CACNA2D4: variants seen among roughly 807,000 people sequenced by gnomAD.
The protein encoded by CACNA2D4 is calcium voltage-gated channel auxiliary subunit alpha2delta 4.
CACNA2D4 carries 157 observed loss-of-function variants against 163.8 expected under a neutral mutation model. The ratio of observed to expected loss-of-function variants is 0.96; its 90% CI spans 0.84 to 1.09. The LOEUF is 1.09. Among genes scored for constraint, CACNA2D4 ranks in the 50% least tolerant of loss-of-function variants. CACNA2D4 has a pLI of 0.00. For synonymous variants in CACNA2D4, 598 were observed against 586.9 expected (o/e 1.02, Z -0.27); for missense variants, 1,410 against 1,479.9 (o/e 0.95, Z 0.78).
intron 6 of CACNA2D4, among the ~76,000 whole-genome samples, chr12:1,904,967 A>G (rs1866621406): frequency 6.6e-6 from 1 of 152,090 alleles, no homozygotes; most frequent in South Asian, 2.1e-4. Context: ...GCATGGATAA[A>G]ACATAAAACT....
In CACNA2D4 at chr12:1,874,052, CAGT is replaced by C. The variant is rs1865835899; in HGVS notation, c.1878+549_1878+551del. On this transcript the variant is annotated intron_variant, in intron 18 of 37. Transcript: ENST00000382722. The surrounding 1 kb of genome is among the most constrained non-coding windows in gnomAD (Gnocchi z 4.4). ...AATATGTCAAGGGACAATGCAGAATCAGTAGACACATTGGAACCTTTTAAGTGA... is the reference window on the plus strand; with the variant it reads ...AATATGTCAAGGGACAATGCAGAATCAGACACATTGGAACCTTTTAAGTGA... 6.6e-6 allele frequency among the ~76,000 whole-genome samples: 1 copy of C among 152,164 alleles called. No homozygotes were observed. Among genetic ancestry groups the C allele is most frequent in the African/African-American group, 2.4e-5 (1 of 41,454 alleles).
chr12:1,811,784 G>T (rs570973566), intron 26 of CACNA2D4, 61 bp from the exon 27 acceptor site: 1 of 1,504,784 alleles, frequency 6.6e-7, no homozygotes, highest in Non-Finnish European at 9.1e-7. Flanking sequence ...AAAAAATAGA[G>T]TCAAGTTAAA....
chr12:1,855,662 G>A (rs1865383319), intron 22 of CACNA2D4, among the ~76,000 whole-genome samples: 1 of 152,202 alleles, frequency 6.6e-6, no homozygotes, highest in African/African-American at 2.4e-5. Flanking sequence ...TTTGCCCAGA[G>A]GTCCACTTCT....
In CACNA2D4 at chr12:1,829,213, C is replaced by T. The variant is rs1442973702; in HGVS notation, c.2551+11526G>A. ...CTTCCGCAGCGGCTCTCTTAGCCTG[C>T]TGTCAGGCCCTTCTCTGGGAGGGGC... is the stretch of plus-strand genomic sequence containing the variant. On this transcript the variant is annotated intron_variant, in intron 26 of 37. Coordinates refer to ENST00000382722, the MANE Select transcript of CACNA2D4 (RefSeq NM_172364.5). This position sits in a 1 kb window ranked among gnomAD's most constrained non-coding sequence, Gnocchi z 4.2. 6.6e-6 allele frequency among the ~76,000 whole-genome samples: 1 copy of T among 152,220 alleles called. No homozygotes were observed. Among genetic ancestry groups the T allele is most frequent in the South Asian group, 2.1e-4 (1 of 4,830 alleles).
At chr12:1,881,975 A>G (rs1215139353) in intron 13 of CACNA2D4, among the ~76,000 whole-genome samples, 1 of 152,248 alleles carries the variant, frequency 6.6e-6, no homozygotes, top group Non-Finnish European at 1.5e-5. Flanking sequence ...TTGTCAGCAC[A>G]GGGACTGAGT....
At chr12:1,805,816 C>A (rs1004590553) in intron 29 of CACNA2D4, among the ~76,000 whole-genome samples, 3 of 152,252 alleles carry the variant, frequency 2.0e-5, no homozygotes, top group African/African-American at 7.2e-5. Flanking sequence ...CCAAGGCAGG[C>A]TGCCCAGAGT....
At chr12:1,842,762 G>A (rs889996304) in intron 25 of CACNA2D4, among the ~76,000 whole-genome samples, 1 of 152,192 alleles carries the variant, frequency 6.6e-6, no homozygotes, top group African/African-American at 2.4e-5. Flanking sequence ...GCCTGTGGGT[G>A]CCCTCCCTGG....
At chr12:1,815,717 C>T (rs1863853396) in intron 26 of CACNA2D4, among the ~76,000 whole-genome samples, 1 of 152,200 alleles carries the variant, frequency 6.6e-6, no homozygotes, top group Non-Finnish European at 1.5e-5. Context: ...TGTCCCTTCC[C>T]TCCCAGCTTC....
chr12:1,823,024 G>A (rs981340183), intron 26 of CACNA2D4, among the ~76,000 whole-genome samples: 23 of 152,168 alleles, frequency 1.5e-4, no homozygotes, highest in African/African-American at 3.1e-4. Flanking sequence ...TGAAGGGGGC[G>A]GCAGAGTAGG....
At chr12:1,860,467 C>T (rs10774001) in intron 18 of CACNA2D4, among the ~76,000 whole-genome samples, 129,649 of 152,308 alleles carry the variant, frequency 0.85, 55,355 homozygotes, top group South Asian at 0.91. Flanking sequence ...ATCACGATAG[C>T]CCCTAAGCAG....
chr12:1,799,649 G>C lies in CACNA2D4; in HGVS notation c.2995+26C>G, dbSNP rs1282265625. On this transcript the variant is annotated intron_variant, in intron 34 of 37. Transcript: ENST00000382722. The surrounding 1 kb of genome is among the most constrained non-coding windows in gnomAD (Gnocchi z 4.7). ...CTGCGTCCCCAACCCACCGCCAGCAGGGATGGCCTCAGCTGGGCTACTTAC... is the reference window on the plus strand; with the variant it reads ...CTGCGTCCCCAACCCACCGCCAGCACGGATGGCCTCAGCTGGGCTACTTAC... 1 of 1,562,604 alleles carries C rather than the reference G, an allele frequency of 6.4e-7. No individual in the cohort carries two copies. The highest frequency in any genetic ancestry group is 1.9e-5 in the Admixed American group (1 of 52,418).
intron 26 of CACNA2D4, among the ~76,000 whole-genome samples, chr12:1,816,292 A>C (rs1293732141): frequency 6.6e-6 from 1 of 152,150 alleles, no homozygotes; most frequent in Admixed American, 6.5e-5. Flanking sequence ...AATGCAAAGC[A>C]CTCGGCTTTT....
In CACNA2D4 at chr12:1,806,957, C is replaced by T. The variant is rs541502040; in HGVS notation, c.2721+3321G>A. 3.3e-5 allele frequency among the ~76,000 whole-genome samples: 5 copies of T among 152,068 alleles called. No individual in the cohort carries two copies. Among genetic ancestry groups the T allele is most frequent in the South Asian group, 2.1e-4 (1 of 4,818 alleles). ...TTGGGGAAGAGGGGCAGGTTTGGGT[C>T]GGTTGGTGGGAGTTGGTGGTGGGCA... On this transcript the variant is annotated intron_variant, in intron 29 of 37. Coordinates refer to ENST00000382722, the MANE Select transcript of CACNA2D4 (RefSeq NM_172364.5). The surrounding 1 kb of genome is among the most constrained non-coding windows in gnomAD (Gnocchi z 4.1).
intron 29 of CACNA2D4, among the ~76,000 whole-genome samples, chr12:1,803,265 AG>A (rs1863399595): frequency 6.6e-6 from 1 of 152,256 alleles, no homozygotes; most frequent in East Asian, 1.9e-4. Flanking sequence ...AGGGCTAGGC[AG>A]AACGCACAAC....
Position 1,795,804 on chromosome 12 carries a change from G to A in CACNA2D4, c.3114-24C>T, listed in dbSNP as rs1295188804. 5 of 1,459,642 alleles carry A rather than the reference G, an allele frequency of 3.4e-6. No homozygotes were observed. In the East Asian group the frequency reaches 6.8e-5, roughly 20 times the overall value. 90.4% of individuals were successfully genotyped at this position (1,459,642 alleles called of 1,614,324 possible). ...CCCTGCAGCAAAGAAAGGGAGTCGAGGATGGCTCCGTGGCGACCACGAGAA... is the reference window on the plus strand; with the variant it reads ...CCCTGCAGCAAAGAAAGGGAGTCGAAGATGGCTCCGTGGCGACCACGAGAA... On this transcript the variant is annotated intron_variant, in intron 35 of 37. Coordinates refer to ENST00000382722, the MANE Select transcript of CACNA2D4 (RefSeq NM_172364.5).
At chr12:1,848,243 C>G (rs911482083) in intron 23 of CACNA2D4, among the ~76,000 whole-genome samples, 1 of 152,224 alleles carries the variant, frequency 6.6e-6, no homozygotes, top group Non-Finnish European at 1.5e-5. Flanking sequence ...CTCCACTCTC[C>G]CTCTCCCCTT....
At chr12:1,797,862 C>A (rs1468981062) in intron 34 of CACNA2D4, among the ~76,000 whole-genome samples, 1 of 152,090 alleles carries the variant, frequency 6.6e-6, no homozygotes, top group African/African-American at 2.4e-5. Flanking sequence ...ACTCAGATCC[C>A]GGGGGAGGGT....
chr12:1,904,198 G>C (rs1866602660), intron 6 of CACNA2D4, among the ~76,000 whole-genome samples: 1 of 151,918 alleles, frequency 6.6e-6, no homozygotes. Flanking sequence ...ATAAAAATTA[G>C]AATAATAGCT....
intron 29 of CACNA2D4, among the ~76,000 whole-genome samples, chr12:1,804,737 CT>C (rs1247691921): frequency 4.6e-5 from 7 of 152,260 alleles, no homozygotes; most frequent in Non-Finnish European, 1.5e-5. Context: ...CCTCCTGCCT[CT>C]TCCCCATCCT....
Sources: gnomAD v4.1 joint callset for allele counts (sites outside exome capture counted in the v4.1 genomes callset) on GRCh38, gnomAD v4.1.1 for gene constraint, Gnocchi (gnomAD v3.1) non-coding constraint, MANE v1.5 for transcripts, NCBI Gene and HGNC (gene_info 2026-07-23, HGNC 2026-07-21) for gene names.